EPHB1: variants seen among roughly 807,000 people sequenced by gnomAD.
The protein encoded by EPHB1 is EPH receptor B1, also known as ephrin type-B receptor 1.
Under a neutral mutation model 94.4 loss-of-function variants are expected in EPHB1, and 30 were observed. The observed-to-expected ratio is 0.32, with a 90% CI of 0.24 to 0.43. The LOEUF (loss-of-function observed/expected upper bound fraction) is 0.43. Ranked by LOEUF, EPHB1 falls within the 20% of genes least tolerant of loss-of-function variation. The probability of loss-of-function intolerance (pLI) is 1.00; values close to 1 mark genes in which losing one functional copy is unlikely to be tolerated. For synonymous variants in EPHB1, 522 were observed against 489.1 expected (o/e 1.07, Z -0.89); for missense variants, 1,055 against 1,308.3 (o/e 0.81, Z 2.99).
chr3:135,170,735 C>A (rs1941782942), intron 9 of EPHB1, among the ~76,000 whole-genome samples: 1 of 152,158 alleles, frequency 6.6e-6, no homozygotes, highest in African/African-American at 2.4e-5. Flanking sequence ...AACGTAGAAT[C>A]TAAAAGGTGT....
chr3:134,941,854 T>TAGC (rs2039125941), intron 2 of EPHB1, among the ~76,000 whole-genome samples: 1 of 151,482 alleles, frequency 6.6e-6, no homozygotes, highest in African/African-American at 2.4e-5. Context: ...ACAGGCACTC[T>TAGC]AGCAATAGAA....
At chr3:135,094,559 T>C (rs564263867) in intron 3 of EPHB1, among the ~76,000 whole-genome samples, 1 of 152,332 alleles carries the variant, frequency 6.6e-6, no homozygotes, top group Non-Finnish European at 1.5e-5. Flanking sequence ...AGGAATAAGT[T>C]CAGCTGAGCC....
At chr3:134,868,450 T>C (rs539208639) in intron 1 of EPHB1, among the ~76,000 whole-genome samples, 1 of 152,296 alleles carries the variant, frequency 6.6e-6, no homozygotes, top group South Asian at 2.1e-4. Context: ...CAGAGGATCT[T>C]ATGTTCTTCC....
chr3:134,840,058 T>A (rs1205880241), intron 1 of EPHB1, among the ~76,000 whole-genome samples: 1 of 152,162 alleles, frequency 6.6e-6, no homozygotes, highest in Non-Finnish European at 1.5e-5. Context: ...TTTTCTACAC[T>A]CCCCTCCACT....
rs548103174 is a variant in EPHB1, at chr3:134,931,148, A to G, written c.123+5268A>G. Reference sequence around the variant, plus strand: ...GTTTGTTGTAGACCTCTTAACACCCAATTGGTTGTCAATATCTTTTTAAAG... The same window carrying G: ...GTTTGTTGTAGACCTCTTAACACCCGATTGGTTGTCAATATCTTTTTAAAG... On this transcript the variant is annotated intron_variant, in intron 2 of 15. Coordinates refer to ENST00000398015, the MANE Select transcript of EPHB1 (RefSeq NM_004441.5). Among the ~76,000 whole-genome samples the G allele has an allele frequency of 8.5e-5, 13 of 152,314 alleles. 1 individual carries two copies. The South Asian group carries it at 2.3e-3, about 27-fold the overall frequency.
chr3:135,053,027 GTATATATA>G (rs1243029809), intron 3 of EPHB1, among the ~76,000 whole-genome samples: 1 of 110,474 alleles, frequency 9.1e-6, no homozygotes, highest in Non-Finnish European at 1.7e-5. Context: ...GTGTGTGTGT[GTATATATA>G]TATATATATA....
At chr3:134,811,256 T>TTGGTTTTGG (rs537684783) in intron 1 of EPHB1, among the ~76,000 whole-genome samples, 3 of 134,866 alleles carry the variant, frequency 2.2e-5, no homozygotes, top group Non-Finnish European at 4.9e-5. Context: ...TTTTTTTTTT[T>TTGGTTTTGG]TTTTTTTCTG....
At chr3:135,170,913 G>T (rs949428686) in intron 9 of EPHB1, among the ~76,000 whole-genome samples, 1 of 152,202 alleles carries the variant, frequency 6.6e-6, no homozygotes, top group African/African-American at 2.4e-5. Flanking sequence ...CCGTGTGCAG[G>T]CAACTGCAGA....
At chr3:134,955,099 T>TTTTTTTTTTTTTTTTTTTTTTTTTTTG (rs1933209581) in intron 3 of EPHB1, among the ~76,000 whole-genome samples, 1 of 32,948 alleles carries the variant, frequency 3.0e-5, no homozygotes, top group Non-Finnish European at 5.6e-5. Context: ...TTTTTTTTTT[T>TTTTTTTTTTTTTTTTTTTTTTTTTTTG]TTTTAATTTT....
At chr3:135,169,962 A>G (rs1941759077) in intron 9 of EPHB1, among the ~76,000 whole-genome samples, 2 of 152,212 alleles carry the variant, frequency 1.3e-5, no homozygotes, top group African/African-American at 4.8e-5. Context: ...ATCCCACTGC[A>G]GGAGGCAGAA....
At chr3:135,062,482 T>C (rs1290498964) in intron 3 of EPHB1, among the ~76,000 whole-genome samples, 2 of 152,176 alleles carry the variant, frequency 1.3e-5, no homozygotes, top group Non-Finnish European at 1.5e-5. Flanking sequence ...TGGCCATTTG[T>C]ATATTTCTTT....
chr3:135,214,125 C>T (rs1943089874), intron 12 of EPHB1, among the ~76,000 whole-genome samples: 1 of 152,172 alleles, frequency 6.6e-6, no homozygotes, highest in Non-Finnish European at 1.5e-5. Flanking sequence ...TCTCTCTTCT[C>T]ATGTCAGCTG....
chr3:134,996,570 A>G (rs150178808), intron 3 of EPHB1, among the ~76,000 whole-genome samples: 18 of 152,270 alleles, frequency 1.2e-4, no homozygotes, highest in African/African-American at 4.1e-4. Context: ...TTTTAATAAA[A>G]ATTCCCAATG....
chr3:135,258,987 T>A, intron 15 of EPHB1, 25 bp from the exon 16 acceptor site: 1 of 1,562,052 alleles, frequency 6.4e-7, no homozygotes, highest in Non-Finnish European at 8.7e-7. Context: ...CTAAAGTGAC[T>A]TCTTTTCTGG....
At chr3:134,919,399 C>G (rs2038632029) in intron 1 of EPHB1, among the ~76,000 whole-genome samples, 1 of 152,198 alleles carries the variant, frequency 6.6e-6, no homozygotes, top group Admixed American at 6.5e-5. Flanking sequence ...AGAACACAGG[C>G]TGGTGCCCTT....
intron 1 of EPHB1, among the ~76,000 whole-genome samples, chr3:134,883,549 A>C (rs1190624199): frequency 6.6e-6 from 1 of 152,236 alleles, no homozygotes. Flanking sequence ...GCCTGACCAA[A>C]TTTAAAGCCT....
At chr3:135,195,319 C>A (rs576785473) in intron 11 of EPHB1, among the ~76,000 whole-genome samples, 24 of 151,776 alleles carry the variant, frequency 1.6e-4, no homozygotes, top group African/African-American at 5.6e-4. Context: ...CTTCCTAGGG[C>A]CTGTTTTCTT....
At chr3:135,203,721 C>CT (rs1304622774) in intron 12 of EPHB1, among the ~76,000 whole-genome samples, 1 of 152,168 alleles carries the variant, frequency 6.6e-6, no homozygotes, top group Non-Finnish European at 1.5e-5. Context: ...TGACATTTTT[C>CT]TTTTTGGTCA....
intron 1 of EPHB1, among the ~76,000 whole-genome samples, chr3:134,859,072 A>G (rs1195734895): frequency 6.6e-6 from 1 of 152,234 alleles, no homozygotes; most frequent in African/African-American, 2.4e-5. Flanking sequence ...TCCAGTTTAT[A>G]GGGCTTTTTC....
Sources: gnomAD v4.1 joint callset for allele counts (sites outside exome capture counted in the v4.1 genomes callset) on GRCh38, gnomAD v4.1.1 for gene constraint, MANE v1.5 for transcripts, NCBI Gene and HGNC (gene_info 2026-07-23, HGNC 2026-07-21) for gene names.